Variants in LMO7 observed in about 807,000 individuals in gnomAD.
LMO7 encodes the protein LIM domain only protein 7.
Under a neutral mutation model 206.5 loss-of-function variants are expected in LMO7, and 120 were observed. That is an observed-to-expected ratio of 0.58 (90% CI 0.50 to 0.68). The LOEUF (loss-of-function observed/expected upper bound fraction) is 0.68. Ranked by LOEUF, LMO7 falls within the 30% of genes least tolerant of loss-of-function variation. The pLI is 0.00. For missense variants in LMO7, 1,959 were observed against 1,957.9 expected, an observed-to-expected ratio of 1.00 and a Z score of -0.01; for synonymous variants, 706 against 681.5, an observed-to-expected ratio of 1.04 and a Z score of -0.56.
At position 75,828,223 on chromosome 13, in the gene LMO7, C is replaced by G. The variant is rs144019125; in HGVS notation, c.2949+4350C>G. Reference sequence around the variant, plus strand: ...GCATCAGTCATGTGTGCCTTGACACCTTTTAAATGTTTCATTTAATTATCT... The same window carrying G: ...GCATCAGTCATGTGTGCCTTGACACGTTTTAAATGTTTCATTTAATTATCT... On this transcript the variant is annotated intron_variant, in intron 15 of 30. Coordinates refer to ENST00000377534, the MANE Select transcript of LMO7 (RefSeq NM_001306080.2). 7.7e-4 allele frequency among the ~76,000 whole-genome samples: 118 copies of G among 152,298 alleles called. 1 individual carries two copies. Among genetic ancestry groups the G allele is most frequent in the Admixed American group, 1.6e-3 (24 of 15,282 alleles).
intron 3 of LMO7, among the ~76,000 whole-genome samples, chr13:75,746,026 C>T (rs2046809657): frequency 6.6e-6 from 1 of 152,036 alleles, no homozygotes; most frequent in Non-Finnish European, 1.5e-5. Context: ...AGCAGTAGTC[C>T]AGGCAAGAGG....
intron 7 of LMO7, among the ~76,000 whole-genome samples, chr13:75,803,726 C>G (rs556478229): frequency 6.6e-6 from 1 of 152,230 alleles, no homozygotes; most frequent in East Asian, 1.9e-4. Flanking sequence ...ACTTCAGATT[C>G]CTTTGGAACT....
At chr13:75,768,850 T>A (rs1211507346) in intron 4 of LMO7, among the ~76,000 whole-genome samples, 3 of 152,150 alleles carry the variant, frequency 2.0e-5, no homozygotes, top group Non-Finnish European at 2.9e-5. Flanking sequence ...TAGAGAAAAC[T>A]TAGCTGCTCC....
intron 3 of LMO7, among the ~76,000 whole-genome samples, chr13:75,750,999 C>T (rs1245695962): frequency 2.6e-5 from 4 of 152,114 alleles, no homozygotes; most frequent in African/African-American, 9.7e-5. Flanking sequence ...CTGGCACATA[C>T]TTGCTAACAT....
At chr13:75,753,809 A>G (rs932774605) in intron 3 of LMO7, among the ~76,000 whole-genome samples, 3 of 152,188 alleles carry the variant, frequency 2.0e-5, no homozygotes, top group Non-Finnish European at 4.4e-5. Flanking sequence ...TTTTCTTATA[A>G]ATTACCCAGT....
intron 1 of LMO7, among the ~76,000 whole-genome samples, chr13:75,697,223 AAAAC>A (rs902551455): frequency 6.6e-6 from 1 of 152,176 alleles, no homozygotes; most frequent in African/African-American, 2.4e-5. Context: ...TTTTTTTTGA[AAAAC>A]AAACTCATGT....
intron 3 of LMO7, 45 bp from the exon 4 acceptor site, chr13:75,760,887 G>T: frequency 6.2e-7 from 1 of 1,609,740 alleles, no homozygotes; most frequent in Non-Finnish European, 8.5e-7. Context: ...ACCTTTGTCT[G>T]AGAGAGAGCT....
At chr13:75,781,090 A>G (rs1037607079) in intron 4 of LMO7, among the ~76,000 whole-genome samples, 3 of 22,858 alleles carry the variant, frequency 1.3e-4, no homozygotes, top group African/African-American at 5.3e-4. Flanking sequence ...ACCTTACTCT[A>G]TTTTCCTTTT....
intron 1 of LMO7, among the ~76,000 whole-genome samples, chr13:75,652,103 T>G (rs2037628276): frequency 1.3e-5 from 2 of 152,324 alleles, no homozygotes; most frequent in South Asian, 4.1e-4. Flanking sequence ...TGCAATATAT[T>G]GTTTTAGCTC....
Position 75,821,358 on chromosome 13 carries a change from A to G in LMO7, c.2389A>G (p.Thr797Ala). The G allele has an allele frequency of 1.9e-6, 3 of 1,614,158 alleles. No homozygotes were observed. Among genetic ancestry groups the G allele is most frequent in the Middle Eastern group, 1.7e-4 (1 of 6,060 alleles). ...PSEIPKEDST[T>A]FAKREDRVTT... is the part of the protein sequence containing the mutation. ...AGAAATTCCCAAAGAAGATTCTACC[A>G]CTTTTGCAAAAAGAGAGGACCGTGT... Residue 797 changes from threonine to alanine, a missense_variant, in exon 14 of 31, where the codon ACT (threonine) becomes GCT (alanine). Coordinates refer to ENST00000377534, the MANE Select transcript of LMO7 (RefSeq NM_001306080.2).
At chr13:75,850,301 G>T (rs1055362681) in intron 27 of LMO7, among the ~76,000 whole-genome samples, 1 of 152,170 alleles carries the variant, frequency 6.6e-6, no homozygotes, top group Non-Finnish European at 1.5e-5. Flanking sequence ...GGAAATAGGA[G>T]TTCTTCTTTC....
chr13:75,776,306 T>C (rs929960433), intron 4 of LMO7, among the ~76,000 whole-genome samples: 20 of 149,606 alleles, frequency 1.3e-4, no homozygotes, highest in African/African-American at 4.7e-4. Context: ...GAAGGACTTA[T>C]CTCGATCAAC....
chr13:75,803,693 C>T (rs1595133421), intron 7 of LMO7, among the ~76,000 whole-genome samples: 1 of 152,286 alleles, frequency 6.6e-6, no homozygotes, highest in East Asian at 1.9e-4. Flanking sequence ...ACTGTGAGTT[C>T]TGTGCTCTCA....
rs138930802 is a variant in LMO7 at position 75,623,473 on chromosome 13, C to T, written c.225+153C>T. Among the ~76,000 whole-genome samples, 879 of 152,034 alleles carry T rather than the reference C, an allele frequency of 5.8e-3. 7 individuals are homozygous for T. Among genetic ancestry groups the T allele is most frequent in the African/African-American group, 0.02 (816 of 41,430 alleles). On this transcript the variant is annotated intron_variant, in intron 2 of 29. Transcript: ENST00000341547. ...CTGCCTCCCGGGTTCAAGTGATTCT[C>T]GTGTCTCAGCCTCCCGAGTAGCTGG... is the stretch of plus-strand genomic sequence containing the variant.
intron 1 of LMO7, among the ~76,000 whole-genome samples, chr13:75,669,430 T>C (rs1332347746): frequency 6.6e-6 from 1 of 152,122 alleles, no homozygotes; most frequent in African/African-American, 2.4e-5. Context: ...CCTAGTGGCC[T>C]AGAGCAATCT....
chr13:75,762,024 T>C (rs1042657888), intron 4 of LMO7, among the ~76,000 whole-genome samples: 1 of 152,172 alleles, frequency 6.6e-6, no homozygotes, highest in Non-Finnish European at 1.5e-5. Flanking sequence ...ACCAGCTATG[T>C]AAGTATCTTT....
intron 3 of LMO7, among the ~76,000 whole-genome samples, chr13:75,732,767 G>T (rs543917093): frequency 6.6e-6 from 1 of 152,078 alleles, no homozygotes. Context: ...TCGGCTTTTG[G>T]TCTTTGATGA....
At position 75,623,274 on chromosome 13, in the gene LMO7, TA is replaced by T; in HGVS notation, c.181del (p.Ile61PhefsTer2). On this transcript the variant is annotated frameshift_variant, in exon 2 of 30. Transcript: ENST00000341547. LOFTEE classifies it high-confidence loss of function. ...CTAATCATGACTTTTTACACAGATA[TA>T]ATTTTGAGGACTGAACAAAATTCAG... 7.1e-7 allele frequency: 1 copy of T among 1,417,674 alleles called. No homozygotes were observed. The allele number at this position is 1,417,674 out of a possible 1,614,324, so 87.8% of individuals were successfully genotyped here.
intron 4 of LMO7, among the ~76,000 whole-genome samples, chr13:75,785,230 T>A (rs1311267192): frequency 6.6e-6 from 1 of 152,144 alleles, no homozygotes; most frequent in Admixed American, 6.5e-5. Context: ...TAATTTATTT[T>A]AAAAATATAG....
Sources: allele counts gnomAD v4.1 joint callset (sites outside exome capture counted in the v4.1 genomes callset), GRCh38; gene constraint gnomAD v4.1.1; transcripts MANE v1.5; gene names NCBI Gene and HGNC (gene_info 2026-07-23, HGNC 2026-07-21).